The following CS variants were observed in gnomAD, a reference collection of about 807,000 sequenced individuals.
The protein encoded by CS is citrate synthase.
CS carries 13 observed loss-of-function variants against 61.4 expected under a neutral mutation model. The observed-to-expected ratio is 0.21, with a 90% CI of 0.14 to 0.34. The LOEUF (loss-of-function observed/expected upper bound fraction) is 0.34, where lower values mean the gene tolerates loss of function less well. Among genes scored for constraint, CS ranks in the 10% least tolerant of loss-of-function variants. The pLI is 1.00. For synonymous variants in CS, 159 were observed against 215.2 expected (o/e 0.74, Z 2.29); for missense variants, 278 against 573.4 (o/e 0.48, Z 5.26).
chr12:56,285,247 GGAAAT>G (rs1275182043), intron 3 of CS: 1 of 446,078 alleles, frequency 2.2e-6, no homozygotes, highest in African/African-American at 2.0e-5. Context: ...CAACAGGCCT[GGAAAT>G]GAAATTTTTT....
chr12:56,291,161 G>A, intron 1 of CS: 5 of 869,428 alleles, frequency 5.8e-6, no homozygotes, highest in Non-Finnish European at 7.9e-6. Flanking sequence ...ACAGTGCTTT[G>A]TGCATAGCTG....
chr12:56,280,410 G>A lies in CS; in HGVS notation c.588+2010C>T, dbSNP rs1159933688. On this transcript the variant is annotated intron_variant, in intron 6 of 10. Transcript: ENST00000351328. ...AACCTGGGTGACAGTGCAAGACACC[G>A]TCTCCCAAAAAAAACAAAAAAAAAA... Among the ~76,000 whole-genome samples the A allele has an allele frequency of 2.1e-3, 30 of 14,078 alleles. 1 individual carries two copies. The South Asian group carries it at 0.12, about 57-fold the overall frequency. 9.2% of individuals were successfully genotyped at this position (14,078 alleles called of 152,430 possible).
chr12:56,294,787 T>C (rs1428670800), intron 1 of CS, among the ~76,000 whole-genome samples: 2 of 152,018 alleles, frequency 1.3e-5, no homozygotes, highest in African/African-American at 4.8e-5. Flanking sequence ...GTTCTTTTGT[T>C]GAGACGAGTC....
intron 1 of CS, chr12:56,298,786 TC>T: frequency 2.0e-6 from 1 of 510,754 alleles, no homozygotes; most frequent in Non-Finnish European, 2.5e-6. Context: ...ACACCTGTAA[TC>T]CCAGCACTTT....
At chr12:56,277,371 C>T (rs1424155828) in intron 6 of CS, among the ~76,000 whole-genome samples, 27 of 150,414 alleles carry the variant, frequency 1.8e-4, no homozygotes, top group African/African-American at 5.9e-4. Context: ...TGGTGGTGGG[C>T]GCCTGTAGTC....
intron 7 of CS, 39 bp downstream of exon 7, chr12:56,275,957 T>C (rs1363922789): frequency 6.3e-7 from 1 of 1,589,902 alleles, no homozygotes; most frequent in Admixed American, 1.7e-5. Context: ...TCCCACCAAT[T>C]GAGGCACCTA....
chr12:56,293,055 TGA>T (rs1180676065), intron 1 of CS, among the ~76,000 whole-genome samples: 7 of 151,852 alleles, frequency 4.6e-5, no homozygotes, highest in African/African-American at 1.7e-4. Context: ...TGCAGTGAGC[TGA>T]GATTGTGCTA....
In CS at chr12:56,276,115, T is replaced by C; in HGVS notation, c.669A>G (p.Glu223=). 6.2e-7 allele frequency: 1 copy of C among 1,614,188 alleles called. No individual in the cohort carries two copies. Among genetic ancestry groups the C allele is most frequent in the Non-Finnish European group, 8.5e-7 (1 of 1,180,034 alleles). ...AGTCAATGGCCCCAATACCGCTGCC[T>C]TCTCTGTAGAGATTTCGGTAGATCT... ...AAKIYRNLYR[E]GSGIGAIDSN... The change falls in exon 7 of 11, where the codon GAA becomes GAG. Residue 223 remains glutamate (E), a synonymous_variant. Coordinates refer to ENST00000351328, the MANE Select transcript of CS (RefSeq NM_004077.3).
At chr12:56,280,720 T>A (rs767445601) in intron 6 of CS, among the ~76,000 whole-genome samples, 13 of 151,984 alleles carry the variant, frequency 8.6e-5, no homozygotes, top group South Asian at 2.1e-4. Context: ...CTCAAAAAAA[T>A]AAATAAATAA....
chr12:56,281,772 T>C (rs1007094396), intron 6 of CS, among the ~76,000 whole-genome samples: 4 of 152,124 alleles, frequency 2.6e-5, no homozygotes, highest in Non-Finnish European at 5.9e-5. Flanking sequence ...CTCAGCATCA[T>C]GACTCACTGG....
intron 3 of CS, among the ~76,000 whole-genome samples, 178 bp from the exon 4 acceptor site, chr12:56,284,035 T>C (rs2135917080): frequency 6.6e-6 from 1 of 152,232 alleles, no homozygotes; most frequent in East Asian, 1.9e-4. Context: ...GAATTAAACT[T>C]TGTGGCCAGG....
At chr12:56,299,331 G>A (rs1225286798) in intron 1 of CS, among the ~76,000 whole-genome samples, 2 of 152,154 alleles carry the variant, frequency 1.3e-5, no homozygotes, top group Non-Finnish European at 2.9e-5. Flanking sequence ...TCAATACCAA[G>A]TAAAGGACCC....
At chr12:56,293,872 T>C (rs769957862) in intron 1 of CS, among the ~76,000 whole-genome samples, 1 of 152,122 alleles carries the variant, frequency 6.6e-6, no homozygotes, top group Non-Finnish European at 1.5e-5. Context: ...AATACACTAA[T>C]AACCAGTAGG....
intron 1 of CS, among the ~76,000 whole-genome samples, chr12:56,296,938 T>G (rs1395015985): frequency 1.3e-5 from 2 of 152,148 alleles, no homozygotes; most frequent in Admixed American, 6.6e-5. Flanking sequence ...TAACTAAATA[T>G]TTTGCAGGAC....
At position 56,300,297 on chromosome 12, in the gene CS, C is replaced by T. The variant is rs374107668; in HGVS notation, c.-96G>A. ...GCCGCTGCACCAGAGGCCGCGCCGA[C>T]GGGTTGACAAGGTTGAAAGGAGGCG... On this transcript the variant is annotated 5_prime_UTR_variant, in exon 1 of 11. Transcript: ENST00000351328. 1 of 1,341,736 alleles carries T rather than the reference C, an allele frequency of 7.5e-7. No individual in the cohort carries two copies. Among genetic ancestry groups the T allele is most frequent in the Admixed American group, 2.3e-5 (1 of 43,108 alleles). The allele number at this position is 1,341,736 out of a possible 1,614,324, so 83.1% of individuals were successfully genotyped here.
chr12:56,278,409 T>C (rs1250076707), intron 6 of CS, among the ~76,000 whole-genome samples: 3 of 152,156 alleles, frequency 2.0e-5, no homozygotes, highest in Non-Finnish European at 4.4e-5. Flanking sequence ...ATTACAGGCG[T>C]GAGCCACTGC....
rs758536564 is a variant in CS at position 56,283,005 on chromosome 12, A to T, written c.268-14T>A. The stretch of plus-strand genomic sequence containing the variant: ...GAAACGGATGCCCTTGAGAGAGGAG[A>T]GAGAGAATTACAACTCAAGTTTATA... On this transcript the variant is annotated splice_polypyrimidine_tract_variant and intron_variant, in intron 4 of 10. Transcript: ENST00000351328. The T allele has an allele frequency of 6.2e-7, 1 of 1,613,858 alleles. No homozygotes were observed. Among genetic ancestry groups the T allele is most frequent in the Non-Finnish European group, 8.5e-7 (1 of 1,179,868 alleles).
intron 6 of CS, among the ~76,000 whole-genome samples, chr12:56,281,776 T>G (rs1331111905): frequency 1.3e-5 from 2 of 152,146 alleles, no homozygotes. Context: ...GCATCATGAC[T>G]CACTGGGATT....
At chr12:56,277,642 T>TC (rs1019998700) in intron 6 of CS, among the ~76,000 whole-genome samples, 1 of 148,970 alleles carries the variant, frequency 6.7e-6, no homozygotes, top group Non-Finnish European at 1.5e-5. Context: ...TTTTTTTTTT[T>TC]TTTTTTGAGA....
Sources: gnomAD v4.1 joint callset for allele counts (sites outside exome capture counted in the v4.1 genomes callset) on GRCh38, gnomAD v4.1.1 for gene constraint, MANE v1.5 for transcripts, NCBI Gene and HGNC (gene_info 2026-07-23, HGNC 2026-07-21) for gene names.